ZBTB40: variants seen among roughly 807,000 people sequenced by gnomAD.
ZBTB40 encodes zinc finger and BTB domain containing 40, also known as zinc finger and BTB domain-containing protein 40.
A neutral mutation model predicts 117.5 loss-of-function variants in ZBTB40; 60 were observed. The observed-to-expected ratio is 0.51, with a 90% CI of 0.41 to 0.63. The LOEUF (loss-of-function observed/expected upper bound fraction) is 0.63. Ranked by LOEUF, ZBTB40 falls within the 30% of genes least tolerant of loss-of-function variation. The pLI, the probability that ZBTB40 is intolerant of heterozygous loss-of-function variation, is 0.00. For missense variants in ZBTB40, 1,287 were observed against 1,498.5 expected (o/e 0.86, Z 2.33); for synonymous variants, 525 against 577.1 (o/e 0.91, Z 1.29).
At chr1:22,429,680 C>T (rs934112307) in intron 1 of ZBTB40, among the ~76,000 whole-genome samples, 1 of 152,092 alleles carries the variant, frequency 6.6e-6, no homozygotes, top group African/African-American at 2.4e-5. Flanking sequence ...GGGAAATCTA[C>T]ATTTTTTTTC....
intron 1 of ZBTB40, among the ~76,000 whole-genome samples, chr1:22,461,408 T>C (rs1641129578): frequency 6.7e-6 from 1 of 149,414 alleles, no homozygotes; most frequent in Admixed American, 6.7e-5. Context: ...TTTGAGCAAA[T>C]ACTATAGAAT....
rs550571224 is a variant in ZBTB40, at chr1:22,467,892, G to T, written c.-70+15888G>T. ...GAGGATCCCTTGAACCCAGGAGTTC[G>T]CGAGCAGCCTGGGCAACATAGGGAG... is the stretch of plus-strand genomic sequence containing the variant. On this transcript the variant is annotated intron_variant, in intron 1 of 17. Transcript: ENST00000375647. Among the ~76,000 whole-genome samples the T allele has an allele frequency of 2.6e-5, 4 of 151,156 alleles. No homozygotes were observed. The South Asian group carries it at 6.2e-4, about 24-fold the overall frequency.
intron 1 of ZBTB40, among the ~76,000 whole-genome samples, chr1:22,482,791 G>C (rs1315649383): frequency 6.6e-6 from 1 of 152,124 alleles, no homozygotes; most frequent in Non-Finnish European, 1.5e-5. Context: ...TGCATTTAAG[G>C]CCGGGTGCGG....
chr1:22,431,325 G>GTATA (rs57235119), intron 1 of ZBTB40, among the ~76,000 whole-genome samples: 2 of 90,216 alleles, frequency 2.2e-5, no homozygotes, highest in African/African-American at 1.2e-4. Context: ...TATTTATATT[G>GTATA]TATATATATA....
chr1:22,500,443 G>T (rs1220630851), intron 3 of ZBTB40, among the ~76,000 whole-genome samples: 1 of 152,142 alleles, frequency 6.6e-6, no homozygotes, highest in African/African-American at 2.4e-5. Flanking sequence ...ACATGTGAGA[G>T]CTTTTCAAAA....
intron 9 of ZBTB40, among the ~76,000 whole-genome samples, chr1:22,509,662 G>A (rs1419471214): frequency 6.6e-6 from 1 of 152,194 alleles, no homozygotes; most frequent in East Asian, 1.9e-4. Flanking sequence ...ACCAATATCT[G>A]TACCCCTTGC....
rs967695592 is a variant in ZBTB40 at position 22,526,624 on chromosome 1, C to T, written c.*228C>T. The stretch of plus-strand genomic sequence containing the variant: ...ACCATCCTCTGTAGCAGACAGGCCT[C>T]CCTCCCCACAGGCCCGCTGCTGCGG... On this transcript the variant is annotated 3_prime_UTR_variant, in exon 18 of 18. Coordinates refer to ENST00000375647, the MANE Select transcript of ZBTB40 (RefSeq NM_014870.4). 3 of 561,546 alleles carry T rather than the reference C, an allele frequency of 5.3e-6. No homozygotes were observed. In the African/African-American group the frequency reaches 5.6e-5, roughly 11 times the overall value. The allele number at this position is 561,546 out of a possible 1,614,324, so 34.8% of individuals were successfully genotyped here.
At chr1:22,522,641 G>C (rs79845147) in intron 16 of ZBTB40, among the ~76,000 whole-genome samples, 178 bp downstream of exon 16, 1 of 152,140 alleles carries the variant, frequency 6.6e-6, no homozygotes, top group African/African-American at 2.4e-5. Context: ...AAAACTGAAG[G>C]CCTTGGCATC....
intron 11 of ZBTB40, among the ~76,000 whole-genome samples, chr1:22,512,409 C>T (rs1639264745): frequency 6.6e-6 from 1 of 152,224 alleles, no homozygotes; most frequent in African/African-American, 2.4e-5. Flanking sequence ...AACACCAGTG[C>T]ACTGCCTGTA....
intron 1 of ZBTB40, among the ~76,000 whole-genome samples, chr1:22,446,432 A>G (rs963123228): frequency 7.9e-5 from 12 of 152,042 alleles, no homozygotes; most frequent in Non-Finnish European, 2.9e-5. Flanking sequence ...AATACCAAGT[A>G]TGATAAATGC....
At chr1:22,487,622 T>A (rs1638505673) in intron 1 of ZBTB40, among the ~76,000 whole-genome samples, 1 of 152,040 alleles carries the variant, frequency 6.6e-6, no homozygotes, top group African/African-American at 2.4e-5. Context: ...TTTTTGGCTC[T>A]CTCCTATTAC....
At chr1:22,461,101 A>G (rs1393148840) in intron 1 of ZBTB40, among the ~76,000 whole-genome samples, 1 of 152,188 alleles carries the variant, frequency 6.6e-6, no homozygotes, top group African/African-American at 2.4e-5. Flanking sequence ...ATAACAATGA[A>G]ACTTGCTCTT....
chr1:22,526,561 A>G lies in ZBTB40; in HGVS notation c.*165A>G. On this transcript the variant is annotated 3_prime_UTR_variant, in exon 18 of 18. Coordinates refer to ENST00000375647, the MANE Select transcript of ZBTB40 (RefSeq NM_014870.4). The stretch of plus-strand genomic sequence containing the variant: ...AACAGATGGAAGCTTCGTTGTTCTC[A>G]TAGAACCAACAGCATCTGAGCCCTC... 5.6e-6 allele frequency: 5 copies of G among 892,818 alleles called. No homozygotes were observed. The highest frequency in any genetic ancestry group is 8.7e-6 in the Non-Finnish European group (5 of 572,004). 55.3% of individuals were successfully genotyped at this position (892,818 alleles called of 1,614,324 possible). A position where few individuals can be genotyped will look rare whatever the true frequency, so the allele number is the denominator to read the frequency against.
At chr1:22,478,449 G>A (rs982752412) in intron 1 of ZBTB40, among the ~76,000 whole-genome samples, 2 of 151,888 alleles carry the variant, frequency 1.3e-5, no homozygotes, top group African/African-American at 4.8e-5. Context: ...GGGTTTCACC[G>A]TGTTAGCCAG....
chr1:22,512,262 C>T, intron 11 of ZBTB40, 128 bp downstream of exon 11: 1 of 1,040,498 alleles, frequency 9.6e-7, no homozygotes, highest in Non-Finnish European at 1.4e-6. Context: ...CAGGTTCCTA[C>T]AGAGGCAGGG....
At chr1:22,505,122 A>G (rs148686917) in intron 5 of ZBTB40, among the ~76,000 whole-genome samples, 1 of 152,320 alleles carries the variant, frequency 6.6e-6, no homozygotes, top group Non-Finnish European at 1.5e-5. Flanking sequence ...TAATTTGATA[A>G]TGGCAGCCTC....
chr1:22,526,385 G>A lies in ZBTB40; in HGVS notation c.3709G>A (p.Glu1237Lys), dbSNP rs1639678771. The A allele has an allele frequency of 1.9e-6, 3 of 1,614,002 alleles. No homozygotes were observed. The highest frequency in any genetic ancestry group is 1.3e-5 in the African/African-American group (1 of 74,938). ...TGGCACAGTGACGCTGATCTGTGGT[G>A]AGGCCAAATGAGCAGCCTTTCATCC... is the stretch of plus-strand genomic sequence containing the variant. ...LDGTVTLICGEAK is the reference protein window; with the variant it reads ...LDGTVTLICGKAK The change falls in exon 18 of 18, where the codon GAG (glutamate) becomes AAG (lysine). Residue 1237 changes from glutamate (E) to lysine (K), a missense_variant. Physicochemically the swap from Glu to Lys is moderately conservative, Grantham distance 56. Around this residue, in one of 2 missense-constraint regions of ZBTB40, gnomAD observed 417 missense variants for 564.1 expected, o/e 0.74. Transcript: ENST00000375647.
chr1:22,486,973 G>C (rs1012815492), intron 1 of ZBTB40, among the ~76,000 whole-genome samples: 6 of 152,192 alleles, frequency 3.9e-5, no homozygotes, highest in African/African-American at 1.4e-4. Flanking sequence ...GACCTCAAGT[G>C]ATCCGCCCGC....
At chr1:22,509,314 CA>C in intron 9 of ZBTB40, 81 bp downstream of exon 9, 1 of 1,584,988 alleles carries the variant, frequency 6.3e-7, no homozygotes, top group Non-Finnish European at 8.7e-7. Context: ...AGAGAGGAAC[CA>C]ATAGTTGGTT....
Sources: gnomAD v4.1 joint callset for allele counts (sites outside exome capture counted in the v4.1 genomes callset) on GRCh38, gnomAD v4.1.1 for gene constraint, gnomAD v4.1.1 regional missense constraint, MANE v1.5 for transcripts, NCBI Gene and HGNC (gene_info 2026-07-23, HGNC 2026-07-21) for gene names.